RGSL1: variants seen among roughly 807,000 people sequenced by gnomAD.
RGSL1 encodes the protein regulator of G protein signaling protein-like.
In RGSL1, 97 loss-of-function variants were observed where a neutral mutation model predicts 124.7. The ratio of observed to expected loss-of-function variants is 0.78; its 90% confidence interval spans 0.66 to 0.92. The LOEUF (loss-of-function observed/expected upper bound fraction) is 0.92. RGSL1 is among the 40% of genes least tolerant of loss of function. The pLI is 0.00. For missense variants in RGSL1, 1,233 were observed against 1,288.4 expected (o/e 0.96, Z 0.66); for synonymous variants, 424 against 438.1 (o/e 0.97, Z 0.40).
In RGSL1 at chr1:182,488,359, T is replaced by C; in HGVS notation, c.1494+12T>C. ...TTCTCCTTTTTACGGTAGGAAGGAC[T>C]TTGGGTTAGGAAGGAATCATGAGGA... On this transcript the variant is annotated intron_variant, in intron 7 of 21. Coordinates refer to ENST00000294854, the MANE Select transcript of RGSL1 (RefSeq NM_001137669.2). 6.4e-7 allele frequency: 1 copy of C among 1,550,904 alleles called. No homozygotes were observed. The highest frequency in any genetic ancestry group is 8.7e-7 in the Non-Finnish European group (1 of 1,145,852).
At chr1:182,542,323 C>A (rs1659945523) in intron 15 of RGSL1, among the ~76,000 whole-genome samples, 1 of 152,152 alleles carries the variant, frequency 6.6e-6, no homozygotes, top group Non-Finnish European at 1.5e-5. Context: ...AGAGACGGTC[C>A]TTTCCCCCAT....
chr1:182,455,544 T>A (rs1322181143), intron 2 of RGSL1, among the ~76,000 whole-genome samples: 1 of 150,468 alleles, frequency 6.6e-6, no homozygotes, highest in Non-Finnish European at 1.5e-5. Flanking sequence ...ATTGCACCAC[T>A]GCACTCCAGC....
At chr1:182,502,069 T>C (rs900901725) in intron 9 of RGSL1, among the ~76,000 whole-genome samples, 1 of 152,222 alleles carries the variant, frequency 6.6e-6, no homozygotes, top group Non-Finnish European at 1.5e-5. Flanking sequence ...AGTTTGGTAG[T>C]AATGTCTTCA....
intron 9 of RGSL1, among the ~76,000 whole-genome samples, chr1:182,500,258 T>G (rs1004625191): frequency 6.6e-6 from 1 of 152,230 alleles, no homozygotes; most frequent in Non-Finnish European, 1.5e-5. Flanking sequence ...GCACCATTTG[T>G]TGAAGAGACT....
upstream of RGSL1, among the ~76,000 whole-genome samples, chr1:182,449,118 CTAAT>C (rs1004484396): frequency 8.8e-4 from 134 of 152,256 alleles, no homozygotes; most frequent in African/African-American, 3.1e-3. Context: ...GTTAAACTGA[CTAAT>C]TAATAAGGTG....
chr1:182,470,927 A>G (rs1052979223), intron 4 of RGSL1, among the ~76,000 whole-genome samples: 2 of 152,214 alleles, frequency 1.3e-5, no homozygotes, highest in Admixed American at 1.3e-4. Context: ...GTAAGAAATC[A>G]CCTGCTATAT....
Position 182,540,341 on chromosome 1 carries a change from A to G in RGSL1, c.2589A>G (p.Val863=), listed in dbSNP as rs1300928704. ...ADQENGEITL[V]KRRIFGHRII... ...AAGAGAATGGAGAAATAACCCTTGTAAAGCGTCGTATATTTGGCCACAGGA... is the reference window on the plus strand; with the variant it reads ...AAGAGAATGGAGAAATAACCCTTGTGAAGCGTCGTATATTTGGCCACAGGA... Residue 863 remains valine, a synonymous_variant, in exon 15 of 22, where the codon GTA becomes GTG. Coordinates refer to ENST00000294854, the MANE Select transcript of RGSL1 (RefSeq NM_001137669.2). 6.4e-7 allele frequency: 1 copy of G among 1,551,448 alleles called. No individual in the cohort carries two copies. Among genetic ancestry groups the G allele is most frequent in the Admixed American group, 2.0e-5 (1 of 50,980 alleles).
At chr1:182,516,754 TC>T (rs1319055600) in intron 9 of RGSL1, among the ~76,000 whole-genome samples, 1 of 152,158 alleles carries the variant, frequency 6.6e-6, no homozygotes, top group African/African-American at 2.4e-5. Flanking sequence ...ACTCCACCCC[TC>T]CCACAGTTTG....
intron 5 of RGSL1, among the ~76,000 whole-genome samples, chr1:182,473,017 A>T (rs781394343): frequency 1.3e-5 from 2 of 152,200 alleles, no homozygotes; most frequent in Non-Finnish European, 2.9e-5. Context: ...GGCCCTTTAC[A>T]TAAAAATTTG....
intron 14 of RGSL1, among the ~76,000 whole-genome samples, chr1:182,537,104 T>A (rs1440531929): frequency 6.6e-6 from 1 of 152,204 alleles, no homozygotes; most frequent in Non-Finnish European, 1.5e-5. Flanking sequence ...GCTTGCTTTT[T>A]GATTTTTTAA....
intron 4 of RGSL1, among the ~76,000 whole-genome samples, chr1:182,462,554 C>T (rs781033976): frequency 1.3e-5 from 2 of 152,056 alleles, no homozygotes; most frequent in Non-Finnish European, 2.9e-5. Flanking sequence ...AAAAGAATAA[C>T]TACTCGTCTA....
chr1:182,466,080 T>C (rs1349204688), intron 4 of RGSL1, among the ~76,000 whole-genome samples: 2 of 151,722 alleles, frequency 1.3e-5, no homozygotes, highest in African/African-American at 2.4e-5. Context: ...ATCATCTCAA[T>C]AGATGCAGAA....
upstream of RGSL1, chr1:182,448,289 T>C (rs1402176322): frequency 6.6e-6 from 1 of 152,274 alleles, no homozygotes; most frequent in Non-Finnish European, 1.5e-5. Context: ...TGGCACGATC[T>C]CAGCTCACTG....
intron 11 of RGSL1, 103 bp downstream of exon 11, chr1:182,527,875 C>G: frequency 1.1e-6 from 1 of 912,242 alleles, no homozygotes; most frequent in Admixed American, 2.9e-5. Flanking sequence ...GAGAGCAGTA[C>G]AGAGCAGCAG....
chr1:182,492,961 G>A (rs2102112535), intron 8 of RGSL1, 61 bp from the exon 9 acceptor site: 2 of 1,151,264 alleles, frequency 1.7e-6, no homozygotes, highest in East Asian at 5.1e-5. Flanking sequence ...AAAAGTATAT[G>A]AATCTTTGAA....
intron 1 of RGSL1, among the ~76,000 whole-genome samples, chr1:182,452,847 T>C (rs771064936): frequency 2.0e-5 from 3 of 152,244 alleles, no homozygotes; most frequent in African/African-American, 2.4e-5. Flanking sequence ...CATAACTACA[T>C]GTTTGTGACT....
chr1:182,540,424 A>G lies in RGSL1; in HGVS notation c.2669+3A>G. ...TATTTCTTTTCTGAAATGGAGAAGT[A>G]AGTTTTCCACTTCTCCTTCTTCTGC... On this transcript the variant is annotated splice_donor_region_variant and intron_variant, in intron 15 of 21. Transcript: ENST00000294854. The G allele has an allele frequency of 6.5e-6, 10 of 1,549,138 alleles. No homozygotes were observed. Among genetic ancestry groups the G allele is most frequent in the Non-Finnish European group, 8.7e-6 (10 of 1,145,542 alleles).
chr1:182,486,645 G>C (rs1655119697), intron 6 of RGSL1, among the ~76,000 whole-genome samples: 1 of 152,036 alleles, frequency 6.6e-6, no homozygotes, highest in African/African-American at 2.4e-5. Flanking sequence ...ATGAGCCACT[G>C]TACCCAGCCT....
intron 10 of RGSL1, among the ~76,000 whole-genome samples, chr1:182,526,460 G>A (rs1354827950): frequency 6.6e-6 from 1 of 151,914 alleles, no homozygotes; most frequent in Admixed American, 6.6e-5. Context: ...TTGAGCTCAG[G>A]AGTTTAACAC....
Sources: gnomAD v4.1 joint callset for allele counts (sites outside exome capture counted in the v4.1 genomes callset) on GRCh38, gnomAD v4.1.1 for gene constraint, MANE v1.5 for transcripts, NCBI Gene and HGNC (gene_info 2026-07-23, HGNC 2026-07-21) for gene names.